The following KCNMA1 variants were observed in gnomAD, a reference collection of about 807,000 sequenced individuals.
KCNMA1 encodes the protein potassium calcium-activated channel subfamily M alpha 1.
Under a neutral mutation model 140.0 loss-of-function variants are expected in KCNMA1, and 29 were observed. The ratio of observed to expected loss-of-function variants is 0.21; its 90% CI spans 0.15 to 0.28. The LOEUF is 0.28. Among genes scored for constraint, KCNMA1 ranks in the 10% least tolerant of loss-of-function variants. KCNMA1 has a pLI of 1.00. For synonymous variants in KCNMA1, 612 were observed against 611.9 expected (o/e 1.00, Z 0.00); for missense variants, 880 against 1,602.2 (o/e 0.55, Z 7.70).
At chr10:77,592,525 T>C (rs1314156285) in intron 1 of KCNMA1, among the ~76,000 whole-genome samples, 1 of 152,154 alleles carries the variant, frequency 6.6e-6, no homozygotes, top group Non-Finnish European at 1.5e-5. Flanking sequence ...AATTTGCAAA[T>C]TTTCTGTATA....
chr10:77,023,066 A>G (rs1057197518), intron 16 of KCNMA1: 1 of 375,118 alleles, frequency 2.7e-6, no homozygotes, highest in Non-Finnish European at 5.4e-6. Flanking sequence ...AAATGCCTCT[A>G]TCAGGTCCCT....
At chr10:77,191,545 G>T (rs1406487285) in intron 3 of KCNMA1, among the ~76,000 whole-genome samples, 6 of 152,102 alleles carry the variant, frequency 3.9e-5, no homozygotes, top group Non-Finnish European at 7.4e-5. Context: ...ACTGGACGGG[G>T]CATGTGTGTT....
At chr10:77,485,278 T>C (rs1478973383) in intron 1 of KCNMA1, among the ~76,000 whole-genome samples, 2 of 152,236 alleles carry the variant, frequency 1.3e-5, no homozygotes, top group Non-Finnish European at 2.9e-5. Flanking sequence ...TAAAGAGTGA[T>C]AAACGTAAAT....
intron 1 of KCNMA1, among the ~76,000 whole-genome samples, chr10:77,490,972 G>A (rs2098524998): frequency 6.6e-6 from 1 of 152,146 alleles, no homozygotes; most frequent in Non-Finnish European, 1.5e-5. Flanking sequence ...CAGCCCTACT[G>A]TAGGAGCCAG....
chr10:77,217,303 A>G (rs1598989626), intron 3 of KCNMA1, among the ~76,000 whole-genome samples: 1 of 152,134 alleles, frequency 6.6e-6, no homozygotes, highest in South Asian at 2.1e-4. Context: ...TCAAAAAAAA[A>G]AAAAGAAACT....
intron 19 of KCNMA1, among the ~76,000 whole-genome samples, chr10:77,000,857 A>AATATATATATATAT (rs56359933): frequency 0.017 from 613 of 35,954 alleles, 19 homozygotes; most frequent in Non-Finnish European, 0.024. Context: ...GTAAAAAGAA[A>AATATATATATATAT]ATATATATAT....
rs149436452 is a variant in KCNMA1 at position 77,138,994 on chromosome 10, C to A, written c.809-17946G>T. ...CTCATTTGCTTGTTCAGGTGCCTGCCTCCTGCCCGTTCCTCAGCAGACTAT... is the reference window on the plus strand; with the variant it reads ...CTCATTTGCTTGTTCAGGTGCCTGCATCCTGCCCGTTCCTCAGCAGACTAT... On this transcript the variant is annotated intron_variant, in intron 5 of 27. Coordinates refer to ENST00000286628, the MANE Select transcript of KCNMA1 (RefSeq NM_001161352.2). 5.1e-3 allele frequency among the ~76,000 whole-genome samples: 781 copies of A among 152,298 alleles called. 10 individuals are homozygous for A. Among genetic ancestry groups the A allele is most frequent in the African/African-American group, 0.018 (746 of 41,570 alleles).
chr10:77,541,358 C>T (rs1190637742), intron 1 of KCNMA1, among the ~76,000 whole-genome samples: 1 of 151,962 alleles, frequency 6.6e-6, no homozygotes, highest in Non-Finnish European at 1.5e-5. Flanking sequence ...AAACTCTACC[C>T]ACAAGAAAAC....
At position 77,391,612 on chromosome 10, in the gene KCNMA1, TTTTGTTTG is replaced by T. The variant is rs139101372; in HGVS notation, c.540+12242_540+12249del. Among the ~76,000 whole-genome samples the T allele has an allele frequency of 1.8e-3, 268 of 149,868 alleles. 2 individuals carry two copies. The highest frequency in any genetic ancestry group is 0.01 in the Middle Eastern group (3 of 292). ...TGTTGTCATTTCCCTGAAGTAGGTT[TTTTGTTTG>T]TTTGTTTGTTTGTTTGTTTGTTTGT... On this transcript the variant is annotated intron_variant, in intron 2 of 27. Coordinates refer to ENST00000286628, the MANE Select transcript of KCNMA1 (RefSeq NM_001161352.2).
intron 1 of KCNMA1, among the ~76,000 whole-genome samples, chr10:77,553,062 A>C (rs1486077994): frequency 4.0e-5 from 6 of 151,888 alleles, no homozygotes; most frequent in Non-Finnish European, 7.4e-5. Flanking sequence ...AAAACAAAAC[A>C]AAAAAACGCC....
intron 2 of KCNMA1, among the ~76,000 whole-genome samples, chr10:77,324,107 AT>A (rs1192494364): frequency 2.6e-5 from 4 of 152,188 alleles, no homozygotes; most frequent in African/African-American, 9.7e-5. Flanking sequence ...TCTCCAGAAC[AT>A]CTGGCTTCAT....
intron 23 of KCNMA1, among the ~76,000 whole-genome samples, chr10:76,925,980 C>T (rs2057558134): frequency 6.6e-6 from 1 of 152,178 alleles, no homozygotes; most frequent in Non-Finnish European, 1.5e-5. Flanking sequence ...CAAGATAGCA[C>T]CAAGGTTCCA....
chr10:77,390,134 G>A (rs2095760520), intron 2 of KCNMA1, among the ~76,000 whole-genome samples: 2 of 152,288 alleles, frequency 1.3e-5, no homozygotes, highest in Admixed American at 6.5e-5. Context: ...GGGCTGCAAG[G>A]GAACGAACTA....
At chr10:77,202,046 AAC>A (rs1422847995) in intron 3 of KCNMA1, among the ~76,000 whole-genome samples, 1 of 152,192 alleles carries the variant, frequency 6.6e-6, no homozygotes, top group Non-Finnish European at 1.5e-5. Context: ...AATTTTAAAA[AAC>A]AGTTATTCTC....
chr10:77,012,072 C>T lies in KCNMA1; in HGVS notation c.2016-29G>A, dbSNP rs756727218. 59 of 1,612,724 alleles carry T rather than the reference C, an allele frequency of 3.7e-5. No individual in the cohort carries two copies. In the Admixed American group the frequency reaches 6.8e-4, roughly 19 times the overall value. ...GAGAAAGAGAATGGAAAAACTGACA[C>T]GTTTCATAATCCACCCAAATGAAAT... On this transcript the variant is annotated intron_variant, in intron 17 of 27. Transcript: ENST00000286628.
chr10:77,631,038 T>C (rs1416428500), intron 1 of KCNMA1, among the ~76,000 whole-genome samples: 2 of 142,308 alleles, frequency 1.4e-5, no homozygotes, highest in Non-Finnish European at 3.0e-5. Context: ...GCCTGGGAGG[T>C]TGAAGCTGCA....
At chr10:76,904,071 AC>A (rs1479316811) in intron 25 of KCNMA1, 3 of 152,360 alleles carry the variant, frequency 2.0e-5, no homozygotes, top group African/African-American at 7.2e-5. Flanking sequence ...CTTTGTAATT[AC>A]ATGTGATCTT....
At chr10:77,060,515 G>A (rs1283151142) in intron 14 of KCNMA1, among the ~76,000 whole-genome samples, 1 of 152,148 alleles carries the variant, frequency 6.6e-6, no homozygotes, top group African/African-American at 2.4e-5. Flanking sequence ...ATCCAAAAAT[G>A]GAGAAGAATT....
At chr10:77,465,808 G>A (rs2097989318) in intron 1 of KCNMA1, among the ~76,000 whole-genome samples, 1 of 152,154 alleles carries the variant, frequency 6.6e-6, no homozygotes, top group South Asian at 2.1e-4. Flanking sequence ...CCATCCTTCA[G>A]CCCAAGGCTG....
Sources: allele counts gnomAD v4.1 joint callset (sites outside exome capture counted in the v4.1 genomes callset), GRCh38; gene constraint gnomAD v4.1.1; transcripts MANE v1.5; gene names NCBI Gene and HGNC (gene_info 2026-07-23, HGNC 2026-07-21).